Variants in PCDHGB7 observed in about 807,000 individuals in gnomAD.
The protein encoded by PCDHGB7 is protocadherin gamma subfamily B, 7, also known as protocadherin gamma-B7.
PCDHGB7 carries 37 observed loss-of-function variants against 61.4 expected under a neutral mutation model. The observed-to-expected ratio is 0.60, with a 90% confidence interval of 0.46 to 0.79. The LOEUF (loss-of-function observed/expected upper bound fraction) is 0.79. Ranked by LOEUF, PCDHGB7 falls within the 30% of genes least tolerant of loss-of-function variation. PCDHGB7 has a pLI of 0.00. For missense variants in PCDHGB7, 1,166 were observed against 1,202.5 expected (o/e 0.97, Z 0.45); for synonymous variants, 464 against 503.5 (o/e 0.92, Z 1.05).
chr5:141,430,822 G>C lies in PCDHGB7; in HGVS notation c.2415+10548G>C, dbSNP rs752634890. 5.8e-6 allele frequency: 9 copies of C among 1,542,380 alleles called. No homozygotes were observed. The African/African-American group carries it at 1.1e-4, about 19-fold the overall frequency. On this transcript the variant is annotated intron_variant, in intron 1 of 3. Transcript: ENST00000398594. ...TTGTCCTGCTGGGAATCCTCCTGGGGACTCTGTGGGAGACCGGATGCACCC... is the reference window on the plus strand; with the variant it reads ...TTGTCCTGCTGGGAATCCTCCTGGGCACTCTGTGGGAGACCGGATGCACCC...
At position 141,510,947 on chromosome 5, in the gene PCDHGB7, A is replaced by C; in HGVS notation, c.2564A>C (p.Glu855Ala). Residue 855 changes from glutamate to alanine, a missense_variant and splice_region_variant, in exon 4 of 4, where the codon GAA (glutamate) becomes GCA (alanine). By Grantham distance (107) the Glu-to-Ala change is moderately radical. Transcript: ENST00000398594. ...ACCTGATCTTCCTCTGTCTCTGCAG[A>C]AGCTGCTGATGGGAGCTCCACCCTG... ...LQAMILASAS[E>A]AADGSSTLGG... The C allele has an allele frequency of 6.2e-7, 1 of 1,614,084 alleles. No individual in the cohort carries two copies. Among genetic ancestry groups the C allele is most frequent in the Non-Finnish European group, 8.5e-7 (1 of 1,180,000 alleles).
chr5:141,421,149 C>T (rs1030911066), intron 1 of PCDHGB7: 1 of 1,086,106 alleles, frequency 9.2e-7, no homozygotes, highest in Non-Finnish European at 1.3e-6. Context: ...ATGTAGTCGG[C>T]CTAGGACTTC....
intron 2 of PCDHGB7, among the ~76,000 whole-genome samples, chr5:141,495,811 G>A (rs1164360438): frequency 1.3e-5 from 2 of 151,710 alleles, no homozygotes; most frequent in Admixed American, 1.3e-4. Flanking sequence ...GTTTCCTAGC[G>A]CCTTGTGTTC....
chr5:141,452,133 A>C (rs2098734490), intron 1 of PCDHGB7, among the ~76,000 whole-genome samples: 1 of 152,136 alleles, frequency 6.6e-6, no homozygotes, highest in Admixed American at 6.5e-5. Flanking sequence ...TATATGGCTC[A>C]TGTGTTTTTT....
chr5:141,430,926 C>A (rs145535410), intron 1 of PCDHGB7: 4 of 1,607,308 alleles, frequency 2.5e-6, no homozygotes, highest in African/African-American at 1.3e-5. Context: ...GGGCTGGAGC[C>A]CCGGGAGCTC....
chr5:141,418,604 G>C lies in PCDHGB7; in HGVS notation c.745G>C (p.Val249Leu). ...PPVFSQDVYR[V>L]SLREDVPPGT... ...AGTGTTCAGCCAGGACGTGTACAGG[G>C]TTAGCCTTCGGGAAGACGTGCCTCC... The change falls in exon 1 of 4, where the codon GTT (valine) becomes CTT (leucine). Residue 249 changes from valine to leucine, a missense_variant. Val to Leu is a conservative substitution (Grantham distance 32). Transcript: ENST00000398594. 6.2e-7 allele frequency: 1 copy of C among 1,614,040 alleles called. No individual in the cohort carries two copies. Among genetic ancestry groups the C allele is most frequent in the African/African-American group, 1.3e-5 (1 of 75,050 alleles).
In PCDHGB7 at chr5:141,512,848, G is replaced by C. The variant is rs1362051688; in HGVS notation, c.*1675G>C. The C allele has an allele frequency of 6.6e-6, 1 of 152,216 alleles. No individual in the cohort carries two copies. 9.4% of individuals were successfully genotyped at this position (152,216 alleles called of 1,614,324 possible). ...CCCCGTACTGACTTCTCCTATAAGC[G>C]CTTCTCTTCGCATAGTCACGTAGCT... On this transcript the variant is annotated 3_prime_UTR_variant, in exon 4 of 4. Transcript: ENST00000398594.
intron 1 of PCDHGB7, among the ~76,000 whole-genome samples, chr5:141,488,190 G>A (rs1162264945): frequency 1.3e-5 from 2 of 152,164 alleles, no homozygotes; most frequent in African/African-American, 4.8e-5. Flanking sequence ...CTTTTGGTCT[G>A]GGTCTTAGGA....
chr5:141,419,258 C>G lies in PCDHGB7; in HGVS notation c.1399C>G (p.Pro467Ala), dbSNP rs761740232. The G allele has an allele frequency of 2.5e-6, 4 of 1,614,028 alleles. No individual in the cohort carries two copies. The Admixed American group carries it at 6.7e-5, about 27-fold the overall frequency. ...GGTCCACGTGCCAGAAAACAACCAG[C>G]CGGGTGCCTCCATAGCGCAAGTCAG... ...YLVHVPENNQPGASIAQVSAS... is the reference protein window; with the variant it reads ...YLVHVPENNQAGASIAQVSAS... Residue 467 changes from proline to alanine, a missense_variant, in exon 1 of 4, where the codon CCG becomes GCG. Transcript: ENST00000398594.
At chr5:141,465,880 TG>T (rs2154569018) in intron 1 of PCDHGB7, among the ~76,000 whole-genome samples, 1 of 152,096 alleles carries the variant, frequency 6.6e-6, no homozygotes, top group East Asian at 1.9e-4. Context: ...CCCAGCACTT[TG>T]GGAGGCCGAG....
At chr5:141,507,349 A>G (rs537480798) in intron 3 of PCDHGB7, 1 of 152,236 alleles carries the variant, frequency 6.6e-6, no homozygotes, top group African/African-American at 2.4e-5. Flanking sequence ...CTGAAATTCA[A>G]ATTTAACTGG....
intron 1 of PCDHGB7, among the ~76,000 whole-genome samples, chr5:141,439,398 T>C (rs2098110369): frequency 6.6e-6 from 1 of 152,212 alleles, no homozygotes; most frequent in Admixed American, 6.5e-5. Context: ...TTCGACTTCA[T>C]GTGCTAACAT....
At position 141,491,098 on chromosome 5, in the gene PCDHGB7, C is replaced by A. The variant is rs1283499077; in HGVS notation, c.2416-3709C>A. ...ACAGTCCACAGCCCCAGGACTGTTC[C>A]TCGTGTCTACACACACTGGTGAGGT... On this transcript the variant is annotated intron_variant, in intron 1 of 3. Coordinates refer to ENST00000398594, the MANE Select transcript of PCDHGB7 (RefSeq NM_018927.4). This position sits in a 1 kb window ranked among gnomAD's most constrained non-coding sequence, Gnocchi z 6.9. 6.2e-7 allele frequency: 1 copy of A among 1,614,216 alleles called. No individual in the cohort carries two copies. Among genetic ancestry groups the A allele is most frequent in the Non-Finnish European group, 8.5e-7 (1 of 1,180,038 alleles).
intron 1 of PCDHGB7, among the ~76,000 whole-genome samples, chr5:141,445,263 C>T (rs1170484721): frequency 1.3e-5 from 2 of 152,152 alleles, no homozygotes; most frequent in African/African-American, 2.4e-5. Context: ...GAATATAAGT[C>T]GAAACCACTC....
rs779974762 is a variant in PCDHGB7 at position 141,420,187 on chromosome 5, CA to C, written c.2329del (p.Thr777HisfsTer16). On this transcript the variant is annotated frameshift_variant, in exon 1 of 4. Coordinates refer to ENST00000398594, the MANE Select transcript of PCDHGB7 (RefSeq NM_018927.4). LOFTEE classifies it high-confidence loss of function. ...FFTSVDHCPA[T>X]QDNLNKDSML... ...TCACATCTGTTGATCATTGTCCAGC[CA>C]CACAAGATAACCTCAACAAAGATAG... The C allele has an allele frequency of 1.5e-5, 25 of 1,613,706 alleles. No individual in the cohort carries two copies. Among genetic ancestry groups the C allele is most frequent in the Non-Finnish European group, 2.1e-5 (25 of 1,179,752 alleles).
intron 1 of PCDHGB7, among the ~76,000 whole-genome samples, chr5:141,436,410 G>T (rs2154557099): frequency 6.6e-6 from 1 of 152,200 alleles, no homozygotes; most frequent in East Asian, 1.9e-4. Flanking sequence ...TTGAATGAAT[G>T]GATAAACAAA....
At chr5:141,437,497 T>A (rs2097889891) in intron 1 of PCDHGB7, among the ~76,000 whole-genome samples, 1 of 152,190 alleles carries the variant, frequency 6.6e-6, no homozygotes, top group Non-Finnish European at 1.5e-5. Flanking sequence ...TAGATCACTT[T>A]TCAATGAATT....
rs1308015959 is a variant in PCDHGB7, at chr5:141,482,105, AT to A, written c.2416-12701del. Among the ~76,000 whole-genome samples, 417 of 143,332 alleles carry A rather than the reference AT, an allele frequency of 2.9e-3. 1 individual carries two copies. The highest frequency in any genetic ancestry group is 0.011 in the African/African-American group (394 of 37,394). 94.0% of individuals were successfully genotyped at this position (143,332 alleles called of 152,430 possible). Reference sequence around the variant, plus strand: ...ACTCCATCTCAAAAAAAAAAAAAAAATATCTAGAGATGGGAGAATCATATGG... The same window carrying A: ...ACTCCATCTCAAAAAAAAAAAAAAAAATCTAGAGATGGGAGAATCATATGG... On this transcript the variant is annotated intron_variant, in intron 1 of 3. Coordinates refer to ENST00000398594, the MANE Select transcript of PCDHGB7 (RefSeq NM_018927.4).
chr5:141,488,497 C>T (rs1054409265), intron 1 of PCDHGB7, among the ~76,000 whole-genome samples: 3 of 152,204 alleles, frequency 2.0e-5, no homozygotes, highest in South Asian at 2.1e-4. Flanking sequence ...CTGTAACACT[C>T]ATTCCACATT....
Sources: gnomAD v4.1 joint callset for allele counts (sites outside exome capture counted in the v4.1 genomes callset) on GRCh38, gnomAD v4.1.1 for gene constraint, Gnocchi (gnomAD v3.1) non-coding constraint, MANE v1.5 for transcripts, NCBI Gene and HGNC (gene_info 2026-07-23, HGNC 2026-07-21) for gene names.